TNFRSF1B: variants seen among roughly 807,000 people sequenced by gnomAD.
TNFRSF1B encodes the protein tumor necrosis factor receptor superfamily member 1B.
In TNFRSF1B, 19 loss-of-function variants were observed where a neutral mutation model predicts 44.6. The ratio of observed to expected loss-of-function variants is 0.43; its 90% CI spans 0.30 to 0.62. TNFRSF1B has a LOEUF of 0.62. TNFRSF1B is among the 20% of genes least tolerant of loss of function. TNFRSF1B has a pLI of 0.16. For synonymous variants in TNFRSF1B, 252 were observed against 261.1 expected, an observed-to-expected ratio of 0.97 and a Z score of 0.34; for missense variants, 541 against 619.9, an observed-to-expected ratio of 0.87 and a Z score of 1.35.
In TNFRSF1B at chr1:12,169,399, G is replaced by T. The variant is rs1433717237; in HGVS notation, c.78+2230G>T. On this transcript the variant is annotated intron_variant, in intron 1 of 9. Coordinates refer to ENST00000376259, the MANE Select transcript of TNFRSF1B (RefSeq NM_001066.3). This position sits in a 1 kb window ranked among gnomAD's most constrained non-coding sequence, Gnocchi z 4.5. ...CCCTTACAGCAACTCCCAAGAGGTGGGTGGTGCCGTTTGTCTTTAGAGATG... is the reference window on the plus strand; with the variant it reads ...CCCTTACAGCAACTCCCAAGAGGTGTGTGGTGCCGTTTGTCTTTAGAGATG... Among the ~76,000 whole-genome samples, 3 of 152,186 alleles carry T rather than the reference G, an allele frequency of 2.0e-5. No individual in the cohort carries two copies. The highest frequency in any genetic ancestry group is 7.2e-5 in the African/African-American group (3 of 41,446).
At chr1:12,182,429 A>G (rs1216455393) in intron 1 of TNFRSF1B, among the ~76,000 whole-genome samples, 1 of 151,966 alleles carries the variant, frequency 6.6e-6, no homozygotes, top group East Asian at 1.9e-4. Context: ...AGCTCTTACC[A>G]CCACCTTGAA....
At chr1:12,205,472 T>C (rs1353499516) in intron 9 of TNFRSF1B, among the ~76,000 whole-genome samples, 1 of 151,980 alleles carries the variant, frequency 6.6e-6, no homozygotes, top group African/African-American at 2.4e-5. Flanking sequence ...GGGCCAGCTC[T>C]GGCTGCTGAT....
intron 7 of TNFRSF1B, 127 bp downstream of exon 7, chr1:12,194,159 G>A (rs776244396): frequency 4.0e-6 from 3 of 749,632 alleles, no homozygotes; most frequent in Non-Finnish European, 6.8e-6. Context: ...TCCTTGTTCT[G>A]TAGGAGCTTA....
chr1:12,197,744 A>G (rs1471600783), intron 8 of TNFRSF1B, among the ~76,000 whole-genome samples: 1 of 152,168 alleles, frequency 6.6e-6, no homozygotes, highest in Non-Finnish European at 1.5e-5. Context: ...TGCTGGGCTT[A>G]GAGTGTGGAC....
rs61185238 is a variant in TNFRSF1B, at chr1:12,171,176, C to CTTTT, written c.78+4021_78+4024dup. Among the ~76,000 whole-genome samples, 1 of 137,440 alleles carries CTTTT rather than the reference C, an allele frequency of 7.3e-6. No homozygotes were observed. Among genetic ancestry groups the CTTTT allele is most frequent in the African/African-American group, 2.7e-5 (1 of 37,322 alleles). The allele number at this position is 137,440 out of a possible 152,430, so 90.2% of individuals were successfully genotyped here. A position where few individuals can be genotyped will look rare whatever the true frequency, so the allele number is the denominator to read the frequency against. ...TGCCACCATGCCCGGCTAATTTTTC[C>CTTTT]TTTTTTTTTTTTTTTTTAGTAGAGA... On this transcript the variant is annotated intron_variant, in intron 1 of 9. Transcript: ENST00000376259. This position sits in a 1 kb window ranked among gnomAD's most constrained non-coding sequence, Gnocchi z 4.5.
At position 12,187,860 on chromosome 1, in the gene TNFRSF1B, G is replaced by T. The variant is rs1639020943; in HGVS notation, c.79-936G>T. Among the ~76,000 whole-genome samples, 1 of 152,226 alleles carries T rather than the reference G, an allele frequency of 6.6e-6. No homozygotes were observed. The highest frequency in any genetic ancestry group is 2.4e-5 in the African/African-American group (1 of 41,456). ...CCAGCTTCAGCCCAACACCACGGGG[G>T]TGGCTCTGGACCATGAATTGTACCA... On this transcript the variant is annotated intron_variant, in intron 1 of 9. Transcript: ENST00000376259. This position sits in a 1 kb window ranked among gnomAD's most constrained non-coding sequence, Gnocchi z 5.5.
At chr1:12,184,899 G>T (rs1027734113) in intron 1 of TNFRSF1B, among the ~76,000 whole-genome samples, 29 of 152,186 alleles carry the variant, frequency 1.9e-4, no homozygotes. Flanking sequence ...CACTGTGCGG[G>T]GTGGGGGGCT....
intron 1 of TNFRSF1B, among the ~76,000 whole-genome samples, chr1:12,174,828 T>C (rs597519): frequency 0.037 from 5,577 of 152,342 alleles, 97 homozygotes; most frequent in African/African-American, 0.056. Context: ...CTCTTTCAGA[T>C]GTACTGGCTC....
chr1:12,169,606 G>A lies in TNFRSF1B; in HGVS notation c.78+2437G>A, dbSNP rs1484870283. 6.6e-6 allele frequency among the ~76,000 whole-genome samples: 1 copy of A among 152,238 alleles called. No homozygotes were observed. Among genetic ancestry groups the A allele is most frequent in the African/African-American group, 2.4e-5 (1 of 41,454 alleles). On this transcript the variant is annotated intron_variant, in intron 1 of 9. Transcript: ENST00000376259. The surrounding 1 kb of genome is among the most constrained non-coding windows in gnomAD (Gnocchi z 4.5). Reference sequence around the variant, plus strand: ...TGGGTTCTCAGGATGGAAGTCAACTGAGCTGCAGAAGAAGCCCCCAGGAGA... The same window carrying A: ...TGGGTTCTCAGGATGGAAGTCAACTAAGCTGCAGAAGAAGCCCCCAGGAGA...
rs1314682680 is a variant in TNFRSF1B at position 12,186,685 on chromosome 1, G to T, written c.79-2111G>T. Among the ~76,000 whole-genome samples, 1 of 152,192 alleles carries T rather than the reference G, an allele frequency of 6.6e-6. No individual in the cohort carries two copies. Among genetic ancestry groups the T allele is most frequent in the Non-Finnish European group, 1.5e-5 (1 of 68,020 alleles). ...TCGTTCACTAAAGGTTATGGATCTCGATCTTGTACTGGCCACATGACTGCA... is the reference window on the plus strand; with the variant it reads ...TCGTTCACTAAAGGTTATGGATCTCTATCTTGTACTGGCCACATGACTGCA... On this transcript the variant is annotated intron_variant, in intron 1 of 9. Transcript: ENST00000376259. The surrounding 1 kb of genome is among the most constrained non-coding windows in gnomAD (Gnocchi z 4.8).
Position 12,186,872 on chromosome 1 carries a change from A to G in TNFRSF1B, c.79-1924A>G, listed in dbSNP as rs1638999481. ...GATGTGTTCACACCCATGTTTGCCT[A>G]CATGTGAATGTCTCCATTCTGAGCT... On this transcript the variant is annotated intron_variant, in intron 1 of 9. Coordinates refer to ENST00000376259, the MANE Select transcript of TNFRSF1B (RefSeq NM_001066.3). This position sits in a 1 kb window ranked among gnomAD's most constrained non-coding sequence, Gnocchi z 4.8. Among the ~76,000 whole-genome samples the G allele has an allele frequency of 6.6e-6, 1 of 152,178 alleles. No homozygotes were observed. The highest frequency in any genetic ancestry group is 1.5e-5 in the Non-Finnish European group (1 of 68,032).
intron 1 of TNFRSF1B, among the ~76,000 whole-genome samples, chr1:12,179,553 GC>G (rs917332323): frequency 2.0e-5 from 3 of 152,302 alleles, no homozygotes; most frequent in African/African-American, 7.2e-5. Flanking sequence ...CACAGCTTTG[GC>G]CCCTGCCCTA....
intron 1 of TNFRSF1B, among the ~76,000 whole-genome samples, chr1:12,172,153 G>A (rs1001521022): frequency 6.6e-6 from 1 of 152,206 alleles, no homozygotes. Context: ...AAGCGGGCAA[G>A]GAGGGAAGCT....
intron 2 of TNFRSF1B, among the ~76,000 whole-genome samples, chr1:12,190,031 G>A (rs186079264): frequency 3.7e-4 from 56 of 152,314 alleles, no homozygotes; most frequent in African/African-American, 1.3e-3. Context: ...GAGTGAGCAG[G>A]GACCATGGTA....
chr1:12,174,685 G>A lies in TNFRSF1B; in HGVS notation c.78+7516G>A, dbSNP rs184309588. On this transcript the variant is annotated intron_variant, in intron 1 of 9. Coordinates refer to ENST00000376259, the MANE Select transcript of TNFRSF1B (RefSeq NM_001066.3). ...CACAGCAAGTATTGGGTGTTTGGAG[G>A]GGGGCTGCAGAGCCCCTTCTCAGGC... Among the ~76,000 whole-genome samples, 386 of 152,332 alleles carry A rather than the reference G, an allele frequency of 2.5e-3. 5 individuals are homozygous for A. Among genetic ancestry groups the A allele is most frequent in the East Asian group, 4.1e-3 (21 of 5,182 alleles).
intron 9 of TNFRSF1B, 104 bp downstream of exon 9, chr1:12,202,275 C>A: frequency 1.1e-5 from 16 of 1,464,486 alleles, no homozygotes; most frequent in Non-Finnish European, 1.4e-5. Context: ...CAGGGTGGGA[C>A]GAGGCCTGAG....
At chr1:12,197,899 G>A (rs1200886664) in intron 8 of TNFRSF1B, among the ~76,000 whole-genome samples, 2 of 152,114 alleles carry the variant, frequency 1.3e-5, no homozygotes, top group Non-Finnish European at 2.9e-5. Context: ...GCCGAGGGGG[G>A]CGGATCACGA....
intron 9 of TNFRSF1B, among the ~76,000 whole-genome samples, chr1:12,203,887 G>C (rs543553146): frequency 6.6e-6 from 1 of 152,160 alleles, no homozygotes; most frequent in African/African-American, 2.4e-5. Flanking sequence ...GTGCCATCAC[G>C]CCTGGCTAAC....
At chr1:12,175,256 G>C (rs1028593676) in intron 1 of TNFRSF1B, among the ~76,000 whole-genome samples, 1 of 152,234 alleles carries the variant, frequency 6.6e-6, no homozygotes, top group Non-Finnish European at 1.5e-5. Context: ...CTCTGCTTCC[G>C]GGAGAACTTG....
Sources: allele counts gnomAD v4.1 joint callset (sites outside exome capture counted in the v4.1 genomes callset), GRCh38; gene constraint gnomAD v4.1.1; non-coding constraint Gnocchi (gnomAD v3.1); transcripts MANE v1.5; gene names NCBI Gene and HGNC (gene_info 2026-07-23, HGNC 2026-07-21).